Variants in RFX6 observed in about 807,000 individuals in gnomAD.
RFX6 encodes the protein DNA-binding protein RFX6.
RFX6 carries 50 observed loss-of-function variants against 110.8 expected under a neutral mutation model. The observed-to-expected ratio is 0.45, with a 90% confidence interval of 0.36 to 0.57. RFX6 has a LOEUF of 0.57. RFX6 is among the 20% of genes least tolerant of loss of function. RFX6 has a pLI of 0.00. For synonymous variants in RFX6, 383 were observed against 411.2 expected (o/e 0.93, Z 0.83); for missense variants, 990 against 1,127.0 (o/e 0.88, Z 1.74).
At chr6:116,919,320 G>A in intron 11 of RFX6, 24 bp downstream of exon 11, 1 of 1,602,054 alleles carries the variant, frequency 6.2e-7, no homozygotes, top group Non-Finnish European at 8.6e-7. Flanking sequence ...TAAGTCGAGA[G>A]CATTTGAGTC....
chr6:116,923,252 C>A, intron 14 of RFX6, 28 bp downstream of exon 14: 2 of 1,001,958 alleles, frequency 2.0e-6, no homozygotes, highest in South Asian at 1.3e-5. Flanking sequence ...TAAAACTGTT[C>A]TTACATGAAT....
At chr6:116,884,229 G>A (rs562598890) in intron 4 of RFX6, among the ~76,000 whole-genome samples, 5 of 152,004 alleles carry the variant, frequency 3.3e-5, no homozygotes, top group African/African-American at 1.2e-4. Flanking sequence ...TTTATTGTAG[G>A]TCCCTTCTCT....
Position 116,915,209 on chromosome 6 carries a change from A to G in RFX6, c.781-799A>G, listed in dbSNP as rs535949308. ...AGAATATATTTAAAACTTTTAAACT[A>G]TGCTATGCAAATATCCATGGTAACT... On this transcript the variant is annotated intron_variant, in intron 7 of 18. Coordinates refer to ENST00000332958, the MANE Select transcript of RFX6 (RefSeq NM_173560.4). 9.2e-5 allele frequency among the ~76,000 whole-genome samples: 14 copies of G among 152,338 alleles called. No individual in the cohort carries two copies. The South Asian group carries it at 2.9e-3, about 32-fold the overall frequency.
At chr6:116,882,512 T>A in intron 4 of RFX6, 84 bp downstream of exon 4, 1 of 957,586 alleles carries the variant, frequency 1.0e-6, no homozygotes, top group Non-Finnish European at 1.7e-6. Flanking sequence ...TCTTTGTCAG[T>A]ACAAAGAGAA....
intron 2 of RFX6, among the ~76,000 whole-genome samples, chr6:116,879,918 T>C (rs1488958453): frequency 6.6e-6 from 1 of 152,002 alleles, no homozygotes; most frequent in Non-Finnish European, 1.5e-5. Context: ...TTTGGAGATA[T>C]CTATAGAGAA....
intron 9 of RFX6, among the ~76,000 whole-genome samples, chr6:116,916,942 C>CTT (rs777905644): frequency 2.0e-5 from 3 of 152,200 alleles, no homozygotes. Flanking sequence ...AATGTGGGTA[C>CTT]TTTAAAGTGA....
Position 116,894,028 on chromosome 6 carries a change from A to G in RFX6, c.608A>G (p.Tyr203Cys), listed in dbSNP as rs756478299. Reference protein sequence around the residue: ...YGIGIKESSAYYHSVYSGKGL... With the variant: ...YGIGIKESSACYHSVYSGKGL... ...ATTGGCATCAAAGAGAGCAGTGCAT[A>G]TTACCACTCCGTTTATTCTGGAAAG... Residue 203 changes from tyrosine to cysteine, a missense_variant, in exon 5 of 19, where the codon TAT (tyrosine) becomes TGT (cysteine). By Grantham distance (194) the Tyr-to-Cys change is radical. This residue lies in a region of RFX6 where 243 missense variants were observed against 353.1 expected (regional missense o/e 0.69). Transcript: ENST00000332958. 1.3e-5 allele frequency: 21 copies of G among 1,601,368 alleles called. No homozygotes were observed. Among genetic ancestry groups the G allele is most frequent in the Non-Finnish European group, 1.8e-5 (21 of 1,168,540 alleles).
intron 6 of RFX6, among the ~76,000 whole-genome samples, chr6:116,899,123 G>C (rs1775013179): frequency 6.6e-6 from 1 of 151,970 alleles, no homozygotes; most frequent in Non-Finnish European, 1.5e-5. Flanking sequence ...CAGAAGAAAT[G>C]CAAAATATTC....
chr6:116,903,246 A>T (rs992174235), intron 6 of RFX6, among the ~76,000 whole-genome samples: 1 of 152,054 alleles, frequency 6.6e-6, no homozygotes, highest in African/African-American at 2.4e-5. Flanking sequence ...AACAAAATTA[A>T]TTTTAAGGTT....
intron 2 of RFX6, 112 bp from the exon 3 acceptor site, chr6:116,880,432 T>G: frequency 1.1e-6 from 1 of 887,148 alleles, no homozygotes; most frequent in South Asian, 1.5e-5. Flanking sequence ...TACTTATGTC[T>G]ACTCATTACC....
intron 4 of RFX6, among the ~76,000 whole-genome samples, chr6:116,883,535 T>G (rs1347545586): frequency 1.3e-5 from 2 of 152,172 alleles, no homozygotes; most frequent in Admixed American, 1.3e-4. Flanking sequence ...GTAATCCAAT[T>G]TATCCAAAAC....
intron 17 of RFX6, 70 bp from the exon 18 acceptor site, chr6:116,928,689 G>C (rs1018184717): frequency 2.6e-5 from 27 of 1,021,732 alleles, no homozygotes; most frequent in Middle Eastern, 4.1e-4. Context: ...TCATTACTTT[G>C]TCACTTTTTT....
At position 116,877,435 on chromosome 6, in the gene RFX6, G is replaced by A. The variant is rs762141708; in HGVS notation, c.160G>A (p.Gly54Arg). 1.9e-6 allele frequency: 3 copies of A among 1,593,508 alleles called. No homozygotes were observed. The highest frequency in any genetic ancestry group is 1.1e-5 in the South Asian group (1 of 87,986). ...TVYLAAEGQP[G>R]GEQGGGEKGE... ...GTACCTGGCGGCCGAAGGGCAGCCC[G>A]GGGGCGAGCAGGGCGGCGGGGAGAA... Residue 54 changes from glycine (G) to arginine (R), a missense_variant, in exon 1 of 19, where the codon GGG becomes AGG. Gly to Arg is a moderately radical substitution (Grantham distance 125). Transcript: ENST00000332958.
intron 17 of RFX6, among the ~76,000 whole-genome samples, chr6:116,928,067 A>T (rs1582539807): frequency 8.1e-6 from 1 of 124,054 alleles, no homozygotes; most frequent in South Asian, 3.1e-4. Context: ...GTCCTCCTAA[A>T]TACCGCATAT....
chr6:116,918,731 T>C (rs1419792702), intron 10 of RFX6, among the ~76,000 whole-genome samples: 1 of 152,112 alleles, frequency 6.6e-6, no homozygotes, highest in Non-Finnish European at 1.5e-5. Flanking sequence ...TGTTGCTTGG[T>C]AAAACAAATT....
At chr6:116,891,343 T>C (rs1244290611) in intron 4 of RFX6, among the ~76,000 whole-genome samples, 2 of 152,212 alleles carry the variant, frequency 1.3e-5, no homozygotes, top group African/African-American at 2.4e-5. Context: ...TCAATCTGCA[T>C]GGCAAACCAT....
At chr6:116,880,953 C>T (rs1774578032) in intron 3 of RFX6, among the ~76,000 whole-genome samples, 2 of 151,962 alleles carry the variant, frequency 1.3e-5, no homozygotes, top group Non-Finnish European at 2.9e-5. Context: ...ATAGTATGGC[C>T]TGTGGTAAGA....
At chr6:116,913,250 C>T (rs151148581) in intron 7 of RFX6, among the ~76,000 whole-genome samples, 175 of 152,178 alleles carry the variant, frequency 1.1e-3, no homozygotes, top group African/African-American at 4.0e-3. Context: ...TTAGTAGAGA[C>T]GGGATTTCCC....
intron 10 of RFX6, among the ~76,000 whole-genome samples, chr6:116,918,566 A>T (rs1775523745): frequency 1.3e-5 from 2 of 151,060 alleles, no homozygotes; most frequent in South Asian, 2.1e-4. Context: ...TTCAAAAAAA[A>T]AAAACCTTTT....
Sources: allele counts gnomAD v4.1 joint callset (sites outside exome capture counted in the v4.1 genomes callset), GRCh38; gene constraint gnomAD v4.1.1; regional missense constraint gnomAD v4.1.1; transcripts MANE v1.5; gene names NCBI Gene and HGNC (gene_info 2026-07-23, HGNC 2026-07-21).